STMN2: variants seen among roughly 807,000 people sequenced by gnomAD.
STMN2 encodes stathmin 2.
Under a neutral mutation model 24.1 loss-of-function variants are expected in STMN2, and 2 were observed. The observed-to-expected ratio is 0.08, with a 90% confidence interval of 0.03 to 0.26. The LOEUF (loss-of-function observed/expected upper bound fraction) is 0.26, where lower values mean the gene tolerates loss of function less well. STMN2 is among the 10% of genes least tolerant of loss of function. The pLI is 1.00. For missense variants in STMN2, 114 were observed against 213.6 expected (o/e 0.53, Z 2.91); for synonymous variants, 83 against 77.5 (o/e 1.07, Z -0.37).
intron 4 of STMN2, chr8:79,663,697 CTAA>C: frequency 7.1e-7 from 1 of 1,418,156 alleles, no homozygotes; most frequent in Non-Finnish European, 9.4e-7. Flanking sequence ...AATAATACTA[CTAA>C]TAATTAGCAT....
chr8:79,641,576 C>T (rs1200298894), intron 3 of STMN2, 26 bp downstream of exon 3: 1 of 1,599,108 alleles, frequency 6.3e-7, no homozygotes, highest in Non-Finnish European at 8.5e-7. Context: ...GGTTTTCCTT[C>T]TCTCTCTCCC....
In STMN2 at chr8:79,612,087, T is replaced by G. The variant is rs1210735572; in HGVS notation, c.19+873T>G. 2.9e-4 allele frequency among the ~76,000 whole-genome samples: 35 copies of G among 119,542 alleles called. 1 individual carries two copies. Among genetic ancestry groups the G allele is most frequent in the Admixed American group, 7.8e-4 (8 of 10,320 alleles). The allele number at this position is 119,542 out of a possible 152,430, so 78.4% of individuals were successfully genotyped here. A position where few individuals can be genotyped will look rare whatever the true frequency, so the allele number is the denominator to read the frequency against. ...GCAGCCCCGCCCCCCCGCCCGGTGC[T>G]GCATCTTCATTCGAAAGGGGGTCGG... On this transcript the variant is annotated intron_variant, in intron 1 of 4. Coordinates refer to ENST00000220876, the MANE Select transcript of STMN2 (RefSeq NM_007029.4).
At chr8:79,639,254 G>C (rs1007535312) in intron 2 of STMN2, among the ~76,000 whole-genome samples, 7 of 152,208 alleles carry the variant, frequency 4.6e-5, no homozygotes, top group African/African-American at 1.7e-4. Flanking sequence ...TGGTGGTAAA[G>C]ATCTAGAAAC....
chr8:79,640,895 G>A (rs1309105051), intron 2 of STMN2, among the ~76,000 whole-genome samples: 1 of 152,052 alleles, frequency 6.6e-6, no homozygotes, highest in Non-Finnish European at 1.5e-5. Context: ...ATATAATGGT[G>A]CATGCATATA....
At chr8:79,630,887 G>A (rs1195600288) in intron 1 of STMN2, among the ~76,000 whole-genome samples, 1 of 138,428 alleles carries the variant, frequency 7.2e-6, no homozygotes, top group African/African-American at 2.9e-5. Flanking sequence ...CTAGTATTTA[G>A]GAGCTTAGGG....
intron 3 of STMN2, among the ~76,000 whole-genome samples, chr8:79,654,622 G>A (rs1206336434): frequency 6.6e-6 from 1 of 152,130 alleles, no homozygotes; most frequent in Admixed American, 6.5e-5. Flanking sequence ...CCTCAATGAG[G>A]ATTAAATGCT....
intron 4 of STMN2, among the ~76,000 whole-genome samples, chr8:79,662,430 A>G (rs564373750): frequency 3.3e-5 from 5 of 152,186 alleles, no homozygotes; most frequent in African/African-American, 1.2e-4. Context: ...AGTAATTGCA[A>G]ACAGTGAGCT....
intron 1 of STMN2, among the ~76,000 whole-genome samples, chr8:79,628,703 T>C (rs1445420053): frequency 1.3e-5 from 2 of 152,208 alleles, no homozygotes; most frequent in Non-Finnish European, 2.9e-5. Context: ...TAATATGCCT[T>C]CCTTTGAGAA....
rs771249685 is a variant in STMN2 at position 79,654,930 on chromosome 8, C to T, written c.348C>T (p.Val116=). 1.9e-6 allele frequency: 3 copies of T among 1,613,778 alleles called. 1 individual carries two copies. The highest frequency in any genetic ancestry group is 2.2e-5 in the South Asian group (2 of 91,038). Residue 116 remains valine (V), a synonymous_variant, in exon 4 of 5, where the codon GTC becomes GTT. Coordinates refer to ENST00000220876, the MANE Select transcript of STMN2 (RefSeq NM_007029.4). ...AGAAGAGGGAACACGAGCGAGAAGTCCTTCAGAAGGCTTTGGAGGAGAACA... is the reference window on the plus strand; with the variant it reads ...AGAAGAGGGAACACGAGCGAGAAGTTCTTCAGAAGGCTTTGGAGGAGAACA... ...LAEKREHERE[V]LQKALEENNN... is the part of the protein sequence containing the mutation.
chr8:79,634,123 G>A (rs1014395597), intron 1 of STMN2, among the ~76,000 whole-genome samples: 6 of 152,304 alleles, frequency 3.9e-5, no homozygotes, highest in African/African-American at 1.4e-4. Flanking sequence ...TTTGCAAAAT[G>A]TTTTGCATAC....
rs190209058 is a variant in STMN2, at chr8:79,663,529, G to C, written c.481-1286G>C. 4,396 of 1,246,986 alleles carry C rather than the reference G, an allele frequency of 3.5e-3. 12 individuals are homozygous for C. The highest frequency in any genetic ancestry group is 4.3e-3 in the Non-Finnish European group (3,865 of 907,184). The allele number at this position is 1,246,986 out of a possible 1,614,324, so 77.2% of individuals were successfully genotyped here. A position where few individuals can be genotyped will look rare whatever the true frequency, so the allele number is the denominator to read the frequency against. On this transcript the variant is annotated intron_variant, in intron 4 of 4. Coordinates refer to ENST00000220876, the MANE Select transcript of STMN2 (RefSeq NM_007029.4). Reference sequence around the variant, plus strand: ...TATTATGATATAAAGAACCCTATAAGTGTAGACTCCTTGAGATTAATAGAG... The same window carrying C: ...TATTATGATATAAAGAACCCTATAACTGTAGACTCCTTGAGATTAATAGAG...
chr8:79,661,514 T>C (rs77828165), intron 4 of STMN2, among the ~76,000 whole-genome samples: 2,906 of 152,252 alleles, frequency 0.019, 97 homozygotes, highest in African/African-American at 0.066. Flanking sequence ...CTGTTGAACA[T>C]GTCTGATGAA....
Position 79,612,983 on chromosome 8 carries a change from T to C in STMN2, c.19+1769T>C, listed in dbSNP as rs1269825583. ...ACCGAGCCCCTCCCAGCCAAGCGGG[T>C]GGCTCTGCAGAAAAGCTGGCTCGAG... is the stretch of plus-strand genomic sequence containing the variant. On this transcript the variant is annotated intron_variant, in intron 1 of 4. Coordinates refer to ENST00000220876, the MANE Select transcript of STMN2 (RefSeq NM_007029.4). Among the ~76,000 whole-genome samples, 5 of 151,612 alleles carry C rather than the reference T, an allele frequency of 3.3e-5. No homozygotes were observed. The East Asian group carries it at 9.8e-4, about 30-fold the overall frequency.
intron 4 of STMN2, among the ~76,000 whole-genome samples, chr8:79,664,298 A>C (rs1378931168): frequency 6.6e-6 from 1 of 152,236 alleles, no homozygotes; most frequent in African/African-American, 2.4e-5. Context: ...TGAAACATCA[A>C]GTGTGTGTAG....
intron 1 of STMN2, chr8:79,613,399 C>A: frequency 9.1e-6 from 9 of 985,428 alleles, no homozygotes; most frequent in Non-Finnish European, 1.1e-5. Context: ...GTTGGGCGCT[C>A]GCCCCCGCGG....
intron 1 of STMN2, among the ~76,000 whole-genome samples, chr8:79,617,183 C>T (rs1809401281): frequency 6.6e-6 from 1 of 152,066 alleles, no homozygotes; most frequent in Admixed American, 6.5e-5. Flanking sequence ...CTTATCTAAG[C>T]CAATAAAGGA....
At chr8:79,643,967 T>C (rs1005503590) in intron 3 of STMN2, among the ~76,000 whole-genome samples, 1 of 151,888 alleles carries the variant, frequency 6.6e-6, no homozygotes, top group African/African-American at 2.4e-5. Flanking sequence ...TTTTTATGGT[T>C]TTTTTTTGTT....
chr8:79,636,479 C>T (rs886561626), intron 1 of STMN2, among the ~76,000 whole-genome samples: 5 of 152,176 alleles, frequency 3.3e-5, no homozygotes, highest in African/African-American at 1.2e-4. Context: ...TCTGCTTCCA[C>T]TAATTCCATC....
intron 1 of STMN2, among the ~76,000 whole-genome samples, chr8:79,624,266 A>G (rs914762434): frequency 1.5e-4 from 23 of 151,962 alleles, no homozygotes; most frequent in East Asian, 3.9e-4. Context: ...CATCCTGGCT[A>G]ACACGGTGAA....
Sources: gnomAD v4.1 joint callset for allele counts (sites outside exome capture counted in the v4.1 genomes callset) on GRCh38, gnomAD v4.1.1 for gene constraint, MANE v1.5 for transcripts, NCBI Gene and HGNC (gene_info 2026-07-23, HGNC 2026-07-21) for gene names.